Variants in SMAD1 observed in about 807,000 individuals in gnomAD.
SMAD1 encodes the protein SMAD family member 1.
SMAD1 carries 6 observed loss-of-function variants against 41.6 expected under a neutral mutation model. The observed-to-expected ratio is 0.14, with a 90% CI of 0.08 to 0.28. The LOEUF (loss-of-function observed/expected upper bound fraction) is 0.28, where lower values mean the gene tolerates loss of function less well. Among genes scored for constraint, SMAD1 ranks in the 10% least tolerant of loss-of-function variants. The probability of loss-of-function intolerance (pLI) is 1.00; values close to 1 mark genes in which losing one functional copy is unlikely to be tolerated. For synonymous variants in SMAD1, 206 were observed against 203.2 expected, an observed-to-expected ratio of 1.01 and a Z score of -0.12; for missense variants, 379 against 582.6, an observed-to-expected ratio of 0.65 and a Z score of 3.60.
intron 4 of SMAD1, among the ~76,000 whole-genome samples, chr4:145,543,021 C>CTGGA (rs1238077441): frequency 6.6e-6 from 1 of 151,880 alleles, no homozygotes; most frequent in Non-Finnish European, 1.5e-5. Context: ...GTCACCCAGG[C>CTGGA]TGGAGCACGA....
intron 1 of SMAD1, among the ~76,000 whole-genome samples, chr4:145,504,170 C>T (rs1439911101): frequency 1.3e-5 from 2 of 152,130 alleles, no homozygotes; most frequent in Admixed American, 1.3e-4. Context: ...TGTTTTACAT[C>T]GTTTCACTTA....
At chr4:145,537,962 G>T (rs6813833) in intron 2 of SMAD1, among the ~76,000 whole-genome samples, 3,388 of 152,282 alleles carry the variant, frequency 0.022, 127 homozygotes, top group African/African-American at 0.073. Flanking sequence ...GACTCTGTGC[G>T]TGTGTGTTGT....
chr4:145,524,332 T>A (rs536812507), intron 2 of SMAD1, among the ~76,000 whole-genome samples: 1 of 152,336 alleles, frequency 6.6e-6, no homozygotes, highest in South Asian at 2.1e-4. Flanking sequence ...ATTTTTTTTT[T>A]CTTTTCTGAG....
chr4:145,544,863 A>G (rs1223970116), intron 4 of SMAD1: 1 of 152,154 alleles, frequency 6.6e-6, no homozygotes, highest in Non-Finnish European at 1.5e-5. Flanking sequence ...ACAGTACCAC[A>G]CTATTAGGAG....
chr4:145,506,915 A>G (rs1470692203), intron 1 of SMAD1, among the ~76,000 whole-genome samples: 2 of 152,270 alleles, frequency 1.3e-5, no homozygotes, highest in African/African-American at 2.4e-5. Context: ...TTCTTTTAAT[A>G]TTAAGGAATA....
chr4:145,480,966 A>C (rs938939941), upstream of SMAD1, among the ~76,000 whole-genome samples: 9 of 151,826 alleles, frequency 5.9e-5, no homozygotes, highest in Non-Finnish European at 1.0e-4. Flanking sequence ...CCTCAAAAAA[A>C]AATCATTTTT....
At chr4:145,494,649 A>G (rs1459282415) in intron 1 of SMAD1, among the ~76,000 whole-genome samples, 1 of 152,224 alleles carries the variant, frequency 6.6e-6, no homozygotes, top group African/African-American at 2.4e-5. Flanking sequence ...GCTTTTAAAA[A>G]TACTGTTAAT....
intron 2 of SMAD1, among the ~76,000 whole-genome samples, chr4:145,522,514 G>A (rs970675025): frequency 6.6e-6 from 1 of 152,082 alleles, no homozygotes; most frequent in Admixed American, 6.5e-5. Context: ...CAGGAGAATC[G>A]CTTGAACCTG....
Position 145,558,009 on chromosome 4 carries a change from T to C in SMAD1, c.*75T>C. On this transcript the variant is annotated 3_prime_UTR_variant, in exon 7 of 7. Transcript: ENST00000302085. ...TGAAGGATGGATGAGTCAGACACGA[T>C]TGAGAACTGACAAAGGAGCCTTGAT... 1 of 1,145,338 alleles carries C rather than the reference T, an allele frequency of 8.7e-7. No individual in the cohort carries two copies. The highest frequency in any genetic ancestry group is 1.2e-6 in the Non-Finnish European group (1 of 836,034). The allele number at this position is 1,145,338 out of a possible 1,614,324, so 70.9% of individuals were successfully genotyped here. A position where few individuals can be genotyped will look rare whatever the true frequency, so the allele number is the denominator to read the frequency against.
chr4:145,511,302 C>T (rs1294890016), intron 1 of SMAD1, among the ~76,000 whole-genome samples: 4 of 152,102 alleles, frequency 2.6e-5, no homozygotes, highest in East Asian at 3.9e-4. Flanking sequence ...TTTTTAGAGA[C>T]GCTCTCACTC....
At chr4:145,492,654 G>T (rs537435393) in intron 1 of SMAD1, among the ~76,000 whole-genome samples, 1 of 152,294 alleles carries the variant, frequency 6.6e-6, no homozygotes, top group Admixed American at 6.5e-5. Flanking sequence ...TTAACCTTCA[G>T]CCCCTTGCCC....
chr4:145,533,810 C>T (rs1161660509), intron 2 of SMAD1, among the ~76,000 whole-genome samples: 2 of 152,202 alleles, frequency 1.3e-5, no homozygotes, highest in South Asian at 2.1e-4. Flanking sequence ...GAAGAAGCCT[C>T]ATTTAATCTC....
At chr4:145,495,616 CTTTTTT>C (rs58468364) in intron 1 of SMAD1, among the ~76,000 whole-genome samples, 1 of 127,070 alleles carries the variant, frequency 7.9e-6, no homozygotes. Context: ...AATTAATTTC[CTTTTTT>C]TTTTTTTTTT....
intron 1 of SMAD1, among the ~76,000 whole-genome samples, chr4:145,489,808 GAGAA>G (rs1253955252): frequency 6.6e-6 from 1 of 152,182 alleles, no homozygotes; most frequent in Non-Finnish European, 1.5e-5. Flanking sequence ...ACCACAAAGA[GAGAA>G]AGAACTGGTG....
chr4:145,519,221 G>C lies in SMAD1; in HGVS notation c.400+4208G>C, dbSNP rs1181378985. 2.8e-5 allele frequency among the ~76,000 whole-genome samples: 2 copies of C among 71,232 alleles called. 1 individual carries two copies. Among genetic ancestry groups the C allele is most frequent in the African/African-American group, 6.5e-5 (2 of 30,668 alleles). 46.7% of individuals were successfully genotyped at this position (71,232 alleles called of 152,430 possible). ...AGAGATTCTCCTGCCTCAGCCTCCC[G>C]AGTAGCTAGGATTACAGACGTGCAT... On this transcript the variant is annotated intron_variant, in intron 2 of 6. Transcript: ENST00000302085.
intron 2 of SMAD1, among the ~76,000 whole-genome samples, chr4:145,522,353 G>C (rs1019139947): frequency 2.6e-5 from 4 of 151,392 alleles, no homozygotes; most frequent in African/African-American, 9.7e-5. Context: ...TGTAATCCCA[G>C]CACTGTGGGA....
intron 6 of SMAD1, 127 bp from the exon 7 acceptor site, chr4:145,557,664 G>A (rs910090175): frequency 1.6e-4 from 105 of 636,826 alleles, no homozygotes; most frequent in Non-Finnish European, 2.4e-4. Context: ...CTCCCCAGGG[G>A]CGGGGGGGTC....
At chr4:145,531,227 G>A (rs1044502801) in intron 2 of SMAD1, among the ~76,000 whole-genome samples, 1 of 152,114 alleles carries the variant, frequency 6.6e-6, no homozygotes, top group African/African-American at 2.4e-5. Context: ...CTGAGGTAAG[G>A]AATTTTATTT....
chr4:145,506,093 G>A (rs1038222031), intron 1 of SMAD1, among the ~76,000 whole-genome samples: 2 of 151,620 alleles, frequency 1.3e-5, no homozygotes, highest in African/African-American at 4.9e-5. Context: ...CCCCCTCCTC[G>A]GTCTCCCAAA....
Sources: allele counts gnomAD v4.1 joint callset (sites outside exome capture counted in the v4.1 genomes callset), GRCh38; gene constraint gnomAD v4.1.1; transcripts MANE v1.5; gene names NCBI Gene and HGNC (gene_info 2026-07-23, HGNC 2026-07-21).